Variants in NUP205 observed in about 807,000 individuals in gnomAD.
NUP205 encodes nuclear pore complex protein Nup205.
A neutral mutation model predicts 253.8 loss-of-function variants in NUP205; 76 were observed. The observed-to-expected ratio is 0.30, with a 90% confidence interval of 0.25 to 0.36. The LOEUF (loss-of-function observed/expected upper bound fraction) is 0.36, where lower values mean the gene tolerates loss of function less well. Among genes scored for constraint, NUP205 ranks in the 10% least tolerant of loss-of-function variants. NUP205 has a pLI of 1.00. For missense variants in NUP205, 2,162 were observed against 2,425.5 expected (o/e 0.89, Z 2.28); for synonymous variants, 832 against 850.1 (o/e 0.98, Z 0.37).
chr7:135,570,068 G>T (rs1425539642), intron 1 of NUP205, among the ~76,000 whole-genome samples: 46 of 148,374 alleles, frequency 3.1e-4, no homozygotes, highest in South Asian at 6.5e-4. Flanking sequence ...GAGAGAGAGA[G>T]AGAGAGAGAG....
intron 1 of NUP205, among the ~76,000 whole-genome samples, chr7:135,568,008 T>C (rs1805833829): frequency 6.6e-6 from 1 of 152,154 alleles, no homozygotes; most frequent in African/African-American, 2.4e-5. Flanking sequence ...GGCAGATTGC[T>C]TGAGGCCAGG....
chr7:135,619,750 G>T (rs1374203314), intron 29 of NUP205, 40 bp from the exon 30 acceptor site: 1 of 1,595,554 alleles, frequency 6.3e-7, no homozygotes, highest in Admixed American at 1.8e-5. Flanking sequence ...AACTTTAATT[G>T]AGAAAAGATT....
chr7:135,618,734 CTT>C, intron 28 of NUP205, 131 bp downstream of exon 28: 1 of 721,262 alleles, frequency 1.4e-6, no homozygotes, highest in Non-Finnish European at 2.3e-6. Context: ...AACGTTAAGA[CTT>C]TCCTTGAGAA....
chr7:135,600,824 C>G (rs1388539264), intron 15 of NUP205, 46 bp from the exon 16 acceptor site: 1 of 1,168,702 alleles, frequency 8.6e-7, no homozygotes, highest in Non-Finnish European at 1.3e-6. Context: ...AAGGCCACCA[C>G]CTTGGTCTGT....
rs1490085764 is a variant in NUP205 at position 135,578,133 on chromosome 7, CT to C, written c.877+110del. ...GCTACTAAAATAGTCTGCTCTGTTC[CT>C]GTGTTTGCAGTCCGTTCATATTTGA... is the stretch of plus-strand genomic sequence containing the variant. On this transcript the variant is annotated intron_variant, in intron 6 of 42. Transcript: ENST00000285968. 3 of 719,556 alleles carry C rather than the reference CT, an allele frequency of 4.2e-6. No homozygotes were observed. In the African/African-American group the frequency reaches 5.4e-5, roughly 13 times the overall value. The allele number at this position is 719,556 out of a possible 1,614,324, so 44.6% of individuals were successfully genotyped here. A position where few individuals can be genotyped will look rare whatever the true frequency, so the allele number is the denominator to read the frequency against.
In NUP205 at chr7:135,643,416, G is replaced by A. The variant is rs1402516993; in HGVS notation, c.5559+58G>A. On this transcript the variant is annotated intron_variant, in intron 39 of 42. Transcript: ENST00000285968. Reference sequence around the variant, plus strand: ...AGAAATCATTGCTGTTACTAGGCCAGGGTACTCAGACTGAGTAAAGACAAC... The same window carrying A: ...AGAAATCATTGCTGTTACTAGGCCAAGGTACTCAGACTGAGTAAAGACAAC... 4 of 1,364,786 alleles carry A rather than the reference G, an allele frequency of 2.9e-6. No homozygotes were observed. The Admixed American group carries it at 7.7e-5, about 26-fold the overall frequency. 84.5% of individuals were successfully genotyped at this position (1,364,786 alleles called of 1,614,324 possible). A position where few individuals can be genotyped will look rare whatever the true frequency, so the allele number is the denominator to read the frequency against.
At chr7:135,613,097 A>T (rs1169394496) in intron 22 of NUP205, among the ~76,000 whole-genome samples, 2 of 152,052 alleles carry the variant, frequency 1.3e-5, no homozygotes, top group Non-Finnish European at 2.9e-5. Flanking sequence ...AAAAAAAAAA[A>T]AATTTGCTGA....
At position 135,638,020 on chromosome 7, in the gene NUP205, A is replaced by G. The variant is rs941207839; in HGVS notation, c.5226A>G (p.Lys1742=). Residue 1742 remains lysine (K), a synonymous_variant, in exon 37 of 43, where the codon AAA becomes AAG. Coordinates refer to ENST00000285968, the MANE Select transcript of NUP205 (RefSeq NM_015135.3). ...KFQDDNVEGD[K]VSKKDEIELA... ...AAGACGATAATGTGGAGGGAGATAA[A>G]GTAAGCAAGAAAGATGAGATTGAAC... The G allele has an allele frequency of 6.2e-7, 1 of 1,614,182 alleles. No individual in the cohort carries two copies. Among genetic ancestry groups the G allele is most frequent in the Non-Finnish European group, 8.5e-7 (1 of 1,179,990 alleles).
intron 35 of NUP205, among the ~76,000 whole-genome samples, chr7:135,635,151 T>C (rs1326872264): frequency 6.6e-6 from 1 of 152,236 alleles, no homozygotes; most frequent in East Asian, 1.9e-4. Flanking sequence ...GAAATGTTTT[T>C]GTTTTCTTTG....
At chr7:135,608,839 G>A (rs1013608778) in intron 22 of NUP205, among the ~76,000 whole-genome samples, 16 of 151,952 alleles carry the variant, frequency 1.1e-4, no homozygotes, top group Non-Finnish European at 2.2e-4. Flanking sequence ...AGTGACTCAC[G>A]CCTTTAATCC....
chr7:135,639,059 T>C (rs542678150), intron 38 of NUP205, among the ~76,000 whole-genome samples: 1 of 152,284 alleles, frequency 6.6e-6, no homozygotes, highest in Non-Finnish European at 1.5e-5. Flanking sequence ...TTATTATAGC[T>C]CCAAATTTCT....
chr7:135,565,205 C>T (rs1805717474), intron 1 of NUP205, among the ~76,000 whole-genome samples: 1 of 152,088 alleles, frequency 6.6e-6, no homozygotes, highest in Admixed American at 6.6e-5. Context: ...AGAGGTCCTA[C>T]TGTATATTAA....
At chr7:135,564,274 T>A (rs1411511194) in intron 1 of NUP205, among the ~76,000 whole-genome samples, 3 of 130,724 alleles carry the variant, frequency 2.3e-5, no homozygotes, top group Non-Finnish European at 4.8e-5. Context: ...TGAGACGGAG[T>A]CTTGCCCTGT....
chr7:135,633,630 A>G (rs1246092130), intron 35 of NUP205, among the ~76,000 whole-genome samples: 1 of 151,740 alleles, frequency 6.6e-6, no homozygotes, highest in Non-Finnish European at 1.5e-5. Context: ...TGTTGTTGAG[A>G]CAAGGTCTCA....
intron 30 of NUP205, 49 bp from the exon 31 acceptor site, chr7:135,622,726 TTA>T: frequency 6.4e-7 from 1 of 1,570,534 alleles, no homozygotes; most frequent in Non-Finnish European, 8.7e-7. Flanking sequence ...AATTACTCAG[TTA>T]TTACACTGCT....
chr7:135,610,648 A>G (rs1794207919), intron 22 of NUP205, among the ~76,000 whole-genome samples: 2 of 152,208 alleles, frequency 1.3e-5, no homozygotes, highest in South Asian at 2.1e-4. Flanking sequence ...CAGGATCTGC[A>G]TTTTTACAGA....
At chr7:135,632,580 G>A (rs543649661) in intron 35 of NUP205, among the ~76,000 whole-genome samples, 2 of 152,126 alleles carry the variant, frequency 1.3e-5, no homozygotes, top group South Asian at 2.1e-4. Flanking sequence ...GACGTTGAGA[G>A]TTGGCCAGGG....
Position 135,598,039 on chromosome 7 carries a change from A to G in NUP205, c.2106A>G (p.Pro702=). 1.2e-6 allele frequency: 2 copies of G among 1,614,064 alleles called. No homozygotes were observed. Among genetic ancestry groups the G allele is most frequent in the Non-Finnish European group, 1.7e-6 (2 of 1,179,966 alleles). Residue 702 remains proline, a synonymous_variant, in exon 15 of 43, where the codon CCA becomes CCG. Transcript: ENST00000285968. ...NEIESRCEEY[P]LTRAFCQLIS... is the part of the protein sequence containing the mutation. ...TAGAATCCCGGTGTGAAGAATACCC[A>G]TTGACTCGGGCCTTTTGCCAGCTTA... is the stretch of plus-strand genomic sequence containing the variant.
In NUP205 at chr7:135,573,796, A is replaced by ACCC. The variant is rs1156963297; in HGVS notation, c.314_315insCCC (p.Glu105delinsAspPro). The ACCC allele has an allele frequency of 6.2e-7, 1 of 1,612,832 alleles. No homozygotes were observed. The highest frequency in any genetic ancestry group is 8.5e-7 in the Non-Finnish European group (1 of 1,179,662). ...CTCAGTGACCTTTTTGATATTGGAG[A>ACCC]ATTGGCAGCTGTTGAGCTTCTTCTT... is the stretch of plus-strand genomic sequence containing the variant. On this transcript the variant is annotated protein_altering_variant, in exon 3 of 43. Transcript: ENST00000285968.
Sources: gnomAD v4.1 joint callset for allele counts (sites outside exome capture counted in the v4.1 genomes callset) on GRCh38, gnomAD v4.1.1 for gene constraint, MANE v1.5 for transcripts, NCBI Gene and HGNC (gene_info 2026-07-23, HGNC 2026-07-21) for gene names.